The following ZNF423 variants were observed in gnomAD, a reference collection of about 807,000 sequenced individuals.
The protein encoded by ZNF423 is zinc finger protein 423.
In ZNF423, 12 loss-of-function variants were observed where a neutral mutation model predicts 95.8. That is an observed-to-expected ratio of 0.13 (90% CI 0.08 to 0.20). The LOEUF is 0.20. Among genes scored for constraint, ZNF423 ranks in the 10% least tolerant of loss-of-function variants. The pLI, the probability that ZNF423 is intolerant of heterozygous loss-of-function variation, is 1.00. For synonymous variants in ZNF423, 749 were observed against 711.9 expected (o/e 1.05, Z -0.83); for missense variants, 1,316 against 1,737.1 (o/e 0.76, Z 4.31).
intron 3 of ZNF423, among the ~76,000 whole-genome samples, chr16:49,683,820 G>A (rs964673099): frequency 6.6e-6 from 1 of 152,234 alleles, no homozygotes; most frequent in Admixed American, 6.5e-5. Flanking sequence ...GTGTGCGCCT[G>A]TAATCCCAGC....
intron 2 of ZNF423, among the ~76,000 whole-genome samples, chr16:49,758,803 T>C (rs1176924527): frequency 6.6e-6 from 1 of 152,158 alleles, no homozygotes; most frequent in East Asian, 1.9e-4. Context: ...AGAATGGCAC[T>C]CCAAGTCTAA....
chr16:49,717,126 G>A (rs1291949380), intron 3 of ZNF423, among the ~76,000 whole-genome samples: 7 of 152,152 alleles, frequency 4.6e-5, no homozygotes, highest in African/African-American at 1.7e-4. Context: ...CCAGGCAGGT[G>A]TCCCTGGGGA....
intron 5 of ZNF423, among the ~76,000 whole-genome samples, chr16:49,554,832 T>C (rs1275638176): frequency 6.6e-6 from 1 of 152,052 alleles, no homozygotes; most frequent in African/African-American, 2.4e-5. Flanking sequence ...CCTCTGAAGA[T>C]ATAAATCTTA....
chr16:49,675,362 T>C (rs1209722010), intron 3 of ZNF423, among the ~76,000 whole-genome samples: 1 of 152,132 alleles, frequency 6.6e-6, no homozygotes, highest in African/African-American at 2.4e-5. Context: ...GCTGGAACCA[T>C]TAACCTGGCC....
At chr16:49,652,731 C>T (rs376112677) in intron 3 of ZNF423, among the ~76,000 whole-genome samples, 163 of 152,304 alleles carry the variant, frequency 1.1e-3, no homozygotes, top group Non-Finnish European at 1.7e-3. Context: ...CTTTGGAGAT[C>T]GGCAGAGCCC....
At chr16:49,847,021 G>C (rs1022877694) in intron 1 of ZNF423, 2 of 152,234 alleles carry the variant, frequency 1.3e-5, no homozygotes, top group Admixed American at 1.3e-4. Flanking sequence ...ACAGGAGTTA[G>C]GTGAACAGTA....
intron 1 of ZNF423, among the ~76,000 whole-genome samples, chr16:49,792,494 T>A (rs1274788460): frequency 1.3e-5 from 2 of 152,144 alleles, no homozygotes; most frequent in East Asian, 3.9e-4. Context: ...GAGTGGCAGA[T>A]CTCACTACAG....
Position 49,685,050 on chromosome 16 carries a change from G to C in ZNF423, c.301+45721C>G, listed in dbSNP as rs183144191. Among the ~76,000 whole-genome samples the C allele has an allele frequency of 2.6e-3, 394 of 152,272 alleles. 6 individuals are homozygous for C. The highest frequency in any genetic ancestry group is 6.8e-3 in the Middle Eastern group (2 of 294). On this transcript the variant is annotated intron_variant, in intron 3 of 7. Coordinates refer to ENST00000563137, the MANE Select transcript of ZNF423 (RefSeq NM_001379286.1). Reference sequence around the variant, plus strand: ...GCCAAGAGGGTTTACAAGGGAGTCAGGAACACTGGACAGGCTGCCCCCATC... The same window carrying C: ...GCCAAGAGGGTTTACAAGGGAGTCACGAACACTGGACAGGCTGCCCCCATC...
chr16:49,848,408 T>C (rs2035267616), intron 1 of ZNF423, among the ~76,000 whole-genome samples: 1 of 152,214 alleles, frequency 6.6e-6, no homozygotes, highest in African/African-American at 2.4e-5. Flanking sequence ...AAATGAATAT[T>C]CAAAACAGTG....
At chr16:49,660,391 T>C (rs202155264) in intron 3 of ZNF423, among the ~76,000 whole-genome samples, 1 of 64,400 alleles carries the variant, frequency 1.6e-5, no homozygotes, top group East Asian at 4.3e-4. Context: ...AGAAAACGAA[T>C]GAATGAATGA....
chr16:49,794,243 T>G (rs1056078134), intron 1 of ZNF423, among the ~76,000 whole-genome samples: 114 of 151,664 alleles, frequency 7.5e-4, no homozygotes, highest in East Asian at 4.9e-3. Context: ...TTTGTTTTTT[T>G]TTTTTTGTGG....
rs774680380 is a variant in ZNF423, at chr16:49,637,484, C to A, written c.1692G>T (p.Thr564=). Residue 564 remains threonine, a synonymous_variant, in exon 4 of 8, where the codon ACG becomes ACT. Coordinates refer to ENST00000563137, the MANE Select transcript of ZNF423 (RefSeq NM_001379286.1). This position sits in a 1 kb window ranked among gnomAD's most constrained non-coding sequence, Gnocchi z 5.6. ...AKLESPVVQP[T]QSFMEVYSCP... is the part of the protein sequence containing the mutation. ...AGGAATAGACCTCCATGAAGGACTG[C>A]GTGGGCTGCACCACCGGAGACTCTA... 12 of 1,613,678 alleles carry A rather than the reference C, an allele frequency of 7.4e-6. No individual in the cohort carries two copies. The East Asian group carries it at 2.7e-4, about 36-fold the overall frequency.
Position 49,753,464 on chromosome 16 carries a change from G to A in ZNF423, c.101-22493C>T, listed in dbSNP as rs146366026. The stretch of plus-strand genomic sequence containing the variant: ...AAAAAAAAAAAAAAATTAGCCAGGC[G>A]TGGTGATGTGCACCTGTAGTCCCAG... On this transcript the variant is annotated intron_variant, in intron 2 of 7. Transcript: ENST00000563137. Among the ~76,000 whole-genome samples, 325 of 150,762 alleles carry A rather than the reference G, an allele frequency of 2.2e-3. 11 individuals are homozygous for A. In the East Asian group the frequency reaches 0.053, roughly 25 times the overall value.
intron 5 of ZNF423, among the ~76,000 whole-genome samples, chr16:49,557,061 G>T (rs72793523): frequency 6.6e-6 from 1 of 152,254 alleles, no homozygotes; most frequent in African/African-American, 2.4e-5. Context: ...TTTGGTGCCC[G>T]CTGTCACACA....
At chr16:49,543,886 A>G (rs1321287020) in intron 5 of ZNF423, among the ~76,000 whole-genome samples, 2 of 152,138 alleles carry the variant, frequency 1.3e-5, no homozygotes, top group Non-Finnish European at 2.9e-5. Flanking sequence ...TCTGAATCTC[A>G]GTCTGCTGAT....
chr16:49,537,077 T>C (rs753390952), intron 5 of ZNF423, among the ~76,000 whole-genome samples: 8 of 152,260 alleles, frequency 5.3e-5, no homozygotes, highest in Non-Finnish European at 7.3e-5. Context: ...ACCACTTAGA[T>C]GTGAACTTCT....
chr16:49,645,573 G>T (rs1181416060), intron 3 of ZNF423, among the ~76,000 whole-genome samples: 1 of 152,164 alleles, frequency 6.6e-6, no homozygotes, highest in African/African-American at 2.4e-5. Flanking sequence ...TTCCAAAAAA[G>T]GAGCTGTCCA....
chr16:49,588,174 C>T (rs1288286781), intron 5 of ZNF423, among the ~76,000 whole-genome samples: 2 of 152,184 alleles, frequency 1.3e-5, no homozygotes, highest in Admixed American at 6.5e-5. Flanking sequence ...GAGTCTGAGA[C>T]CCTGTGAATC....
intron 1 of ZNF423, among the ~76,000 whole-genome samples, chr16:49,853,259 C>T (rs753439765): frequency 7.7e-6 from 1 of 129,364 alleles, no homozygotes; most frequent in Non-Finnish European, 1.5e-5. Context: ...TGTCCACACT[C>T]AAGCACACAC....
Sources: gnomAD v4.1 joint callset for allele counts (sites outside exome capture counted in the v4.1 genomes callset) on GRCh38, gnomAD v4.1.1 for gene constraint, Gnocchi (gnomAD v3.1) non-coding constraint, MANE v1.5 for transcripts, NCBI Gene and HGNC (gene_info 2026-07-23, HGNC 2026-07-21) for gene names.